GRIK2: variants seen among roughly 807,000 people sequenced by gnomAD.
GRIK2 encodes the protein glutamate receptor ionotropic, kainate 2.
In GRIK2, 32 loss-of-function variants were observed where a neutral mutation model predicts 100.3. That is an observed-to-expected ratio of 0.32 (90% CI 0.24 to 0.43). GRIK2 has a LOEUF of 0.43. GRIK2 is among the 20% of genes least tolerant of loss of function. GRIK2 has a pLI of 1.00. For synonymous variants in GRIK2, 417 were observed against 389.4 expected (o/e 1.07, Z -0.83); for missense variants, 843 against 1,114.9 (o/e 0.76, Z 3.47).
intron 10 of GRIK2, among the ~76,000 whole-genome samples, chr6:101,836,615 A>G (rs1209929460): frequency 1.6e-5 from 2 of 122,634 alleles, no homozygotes; most frequent in East Asian, 9.4e-4. Context: ...TGCTATATAT[A>G]TAGTTATATA....
chr6:102,006,391 T>TATATATATA (rs1491491868), intron 14 of GRIK2, among the ~76,000 whole-genome samples: 7 of 78,238 alleles, frequency 8.9e-5, no homozygotes, highest in African/African-American at 5.4e-4. Context: ...TATATATATA[T>TATATATATA]TTTTTTTTTT....
chr6:101,479,002 T>C (rs1331665734), intron 2 of GRIK2, among the ~76,000 whole-genome samples: 2 of 152,174 alleles, frequency 1.3e-5, no homozygotes. Context: ...TCTTTTTCAT[T>C]GAGAAAATGA....
At chr6:101,553,810 A>C (rs1776618863) in intron 2 of GRIK2, among the ~76,000 whole-genome samples, 1 of 152,212 alleles carries the variant, frequency 6.6e-6, no homozygotes, top group Non-Finnish European at 1.5e-5. Flanking sequence ...TTAAAAGTTA[A>C]AGTAATAAGA....
chr6:101,763,410 CAA>C (rs1439310884), intron 7 of GRIK2, among the ~76,000 whole-genome samples: 1 of 152,160 alleles, frequency 6.6e-6, no homozygotes, highest in African/African-American at 2.4e-5. Context: ...TTAAACAACA[CAA>C]ATTAACTAGC....
chr6:101,992,822 C>T (rs1404851973), intron 14 of GRIK2, among the ~76,000 whole-genome samples: 6 of 151,408 alleles, frequency 4.0e-5, no homozygotes, highest in Non-Finnish European at 7.4e-5. Context: ...ATAAAACTTG[C>T]TTTTATTGAA....
intron 7 of GRIK2, among the ~76,000 whole-genome samples, chr6:101,746,800 CAT>C (rs75411197): frequency 0.038 from 5,763 of 152,118 alleles, 202 homozygotes; most frequent in East Asian, 0.11. Context: ...CACACACACA[CAT>C]ATATACTCCC....
At chr6:101,969,969 C>T (rs1792937973) in intron 14 of GRIK2, among the ~76,000 whole-genome samples, 1 of 151,908 alleles carries the variant, frequency 6.6e-6, no homozygotes, top group Non-Finnish European at 1.5e-5. Context: ...TCTCTTTTTC[C>T]TATAATGTTC....
chr6:101,895,292 G>T (rs1343247006), intron 12 of GRIK2, among the ~76,000 whole-genome samples: 1 of 151,582 alleles, frequency 6.6e-6, no homozygotes, highest in Non-Finnish European at 1.5e-5. Context: ...ATTATTTTTA[G>T]AGTATTAGAA....
intron 2 of GRIK2, among the ~76,000 whole-genome samples, chr6:101,562,865 T>C (rs1012593046): frequency 6.6e-6 from 1 of 152,214 alleles, no homozygotes; most frequent in Non-Finnish European, 1.5e-5. Context: ...TGAATTAGAA[T>C]ATCTATCTGT....
At chr6:101,636,365 G>T (rs1384383464) in intron 4 of GRIK2, among the ~76,000 whole-genome samples, 2 of 152,090 alleles carry the variant, frequency 1.3e-5, no homozygotes, top group Non-Finnish European at 2.9e-5. Flanking sequence ...TGAGGGAGTA[G>T]GAGAGGGATA....
intron 2 of GRIK2, among the ~76,000 whole-genome samples, chr6:101,528,955 G>A (rs1429839908): frequency 1.3e-5 from 2 of 151,818 alleles, no homozygotes; most frequent in Non-Finnish European, 2.9e-5. Context: ...ATATGAGGTT[G>A]AGTGATCTTA....
chr6:101,736,924 G>T (rs1046837569), intron 7 of GRIK2, among the ~76,000 whole-genome samples: 3 of 151,936 alleles, frequency 2.0e-5, no homozygotes, highest in African/African-American at 7.3e-5. Flanking sequence ...CCTCTTGAAT[G>T]CTTTGCTGCT....
intron 10 of GRIK2, among the ~76,000 whole-genome samples, chr6:101,824,809 T>C (rs1476181189): frequency 2.0e-5 from 3 of 152,190 alleles, no homozygotes; most frequent in Non-Finnish European, 2.9e-5. Flanking sequence ...CCACTTTACT[T>C]GCTTAAGCTT....
chr6:101,987,780 A>G (rs184544239), intron 14 of GRIK2, among the ~76,000 whole-genome samples: 5 of 151,498 alleles, frequency 3.3e-5, no homozygotes, highest in Non-Finnish European at 7.4e-5. Flanking sequence ...TGTGTAGGTA[A>G]TCAACATAAA....
rs1786925355 is a variant in GRIK2, at chr6:101,889,849, C to T, written c.1734C>T (p.Leu578=). 2.5e-6 allele frequency: 4 copies of T among 1,606,076 alleles called. No individual in the cohort carries two copies. Among genetic ancestry groups the T allele is most frequent in the South Asian group, 1.1e-5 (1 of 90,896 alleles). ...LLAYLGVSCV[L]FVIARFSPYE... is the part of the protein sequence containing the mutation. ...CTTACTTGGGTGTCAGTTGTGTGCT[C>T]TTTGTCATAGCCAGGTAACATGCTC... The change falls in exon 12 of 17, where the codon CTC becomes CTT. Residue 578 remains leucine (L), a synonymous_variant. Coordinates refer to ENST00000369134, the MANE Select transcript of GRIK2 (RefSeq NM_021956.5).
chr6:101,445,243 G>A (rs937808264), intron 2 of GRIK2, among the ~76,000 whole-genome samples: 3 of 152,030 alleles, frequency 2.0e-5, no homozygotes, highest in African/African-American at 7.2e-5. Flanking sequence ...TGATGACCCT[G>A]CTCTCTCATG....
intron 2 of GRIK2, among the ~76,000 whole-genome samples, chr6:101,446,047 T>C (rs1403992230): frequency 6.6e-6 from 1 of 152,026 alleles, no homozygotes; most frequent in Non-Finnish European, 1.5e-5. Flanking sequence ...CTTTTAAGAC[T>C]TAGCTTAAAT....
intron 7 of GRIK2, among the ~76,000 whole-genome samples, chr6:101,749,296 A>T (rs1236545275): frequency 6.6e-6 from 1 of 152,114 alleles, no homozygotes; most frequent in African/African-American, 2.4e-5. Flanking sequence ...TTTAATAGAC[A>T]CAAGATTTCA....
Position 101,773,209 on chromosome 6 carries a change from T to G in GRIK2, c.952-26439T>G, listed in dbSNP as rs547301230. 3.9e-5 allele frequency among the ~76,000 whole-genome samples: 6 copies of G among 152,204 alleles called. No homozygotes were observed. The South Asian group carries it at 1.2e-3, about 32-fold the overall frequency. ...TAAAATAGTGAAGAGGGCCAGGTGCTGTGGCTCATGCCTGTAATCCCAGCA... is the reference window on the plus strand; with the variant it reads ...TAAAATAGTGAAGAGGGCCAGGTGCGGTGGCTCATGCCTGTAATCCCAGCA... On this transcript the variant is annotated intron_variant, in intron 7 of 16. Transcript: ENST00000369134.
Sources: gnomAD v4.1 joint callset for allele counts (sites outside exome capture counted in the v4.1 genomes callset) on GRCh38, gnomAD v4.1.1 for gene constraint, MANE v1.5 for transcripts, NCBI Gene and HGNC (gene_info 2026-07-23, HGNC 2026-07-21) for gene names.